DNAJC5B: variants seen among roughly 807,000 people sequenced by gnomAD.
DNAJC5B encodes DnaJ heat shock protein family (Hsp40) member C5 beta.
DNAJC5B carries 23 observed loss-of-function variants against 24.7 expected under a neutral mutation model. The ratio of observed to expected loss-of-function variants is 0.93; its 90% CI spans 0.67 to 1.32. DNAJC5B has a LOEUF of 1.32. DNAJC5B is among the 40% of genes most tolerant of loss of function. DNAJC5B has a pLI of 0.00. For missense variants in DNAJC5B, 238 were observed against 240.8 expected, an observed-to-expected ratio of 0.99 and a Z score of 0.08; for synonymous variants, 101 against 90.1, an observed-to-expected ratio of 1.12 and a Z score of -0.68.
chr8:66,043,038 G>C (rs1009795810), intron 1 of DNAJC5B, among the ~76,000 whole-genome samples: 4 of 152,158 alleles, frequency 2.6e-5, no homozygotes, highest in Non-Finnish European at 5.9e-5. Flanking sequence ...ATGTCTGTGA[G>C]AGTATGGACA....
intron 3 of DNAJC5B, among the ~76,000 whole-genome samples, chr8:66,073,911 T>C (rs113846498): frequency 2.6e-5 from 4 of 152,178 alleles, no homozygotes; most frequent in African/African-American, 7.2e-5. Flanking sequence ...AATATCTTCC[T>C]GAATTGAGGA....
chr8:66,018,738 T>C (rs11991974), upstream of DNAJC5B, among the ~76,000 whole-genome samples: 9 of 51,974 alleles, frequency 1.7e-4, no homozygotes, highest in African/African-American at 4.6e-3. Context: ...TGGGAATCTG[T>C]ATATATATAT....
In DNAJC5B at chr8:66,088,673, T is replaced by A. The variant is rs1807781782; in HGVS notation, c.505+8125T>A. 2.6e-5 allele frequency among the ~76,000 whole-genome samples: 4 copies of A among 152,284 alleles called. No homozygotes were observed. The South Asian group carries it at 8.3e-4, about 32-fold the overall frequency. On this transcript the variant is annotated intron_variant, in intron 5 of 5. Transcript: ENST00000276570. ...CTGCTTAGAAATTTCTTCCACCAGATACCCTAAATCATCTCTTTCGAGTTC... is the reference window on the plus strand; with the variant it reads ...CTGCTTAGAAATTTCTTCCACCAGAAACCCTAAATCATCTCTTTCGAGTTC...
At chr8:66,017,929 G>A (rs187094691), upstream of DNAJC5B, among the ~76,000 whole-genome samples, 1 of 152,226 alleles carries the variant, frequency 6.6e-6, no homozygotes, top group Admixed American at 6.5e-5. Context: ...AGCAAAATAA[G>A]AACAAAATTC....
chr8:66,088,594 A>G (rs1474071239), intron 5 of DNAJC5B, among the ~76,000 whole-genome samples: 4 of 152,176 alleles, frequency 2.6e-5, no homozygotes, highest in Non-Finnish European at 5.9e-5. Context: ...CTCTTTGTGA[A>G]CACATATAAC....
At position 66,080,526 on chromosome 8, in the gene DNAJC5B, G is replaced by C. The variant is rs762513760; in HGVS notation, c.483G>C (p.Gln161His). The C allele has an allele frequency of 2.5e-6, 4 of 1,611,208 alleles. No homozygotes were observed. Among genetic ancestry groups the C allele is most frequent in the Non-Finnish European group, 3.4e-6 (4 of 1,178,582 alleles). ...TGTCCCCAGAGGATCTGGAGGAGCA[G>C]ATCAAGTCTGACATGGAAAAAGGTG... Reference protein sequence around the residue: ...FYVSPEDLEEQIKSDMEKDVD... With the variant: ...FYVSPEDLEEHIKSDMEKDVD... Residue 161 changes from glutamine to histidine, a missense_variant, in exon 5 of 6, where the codon CAG (glutamine) becomes CAC (histidine). Gln to His is a conservative substitution (Grantham distance 24). Coordinates refer to ENST00000276570, the MANE Select transcript of DNAJC5B (RefSeq NM_033105.6).
chr8:66,050,638 A>G (rs947568398), intron 2 of DNAJC5B, among the ~76,000 whole-genome samples: 11 of 152,332 alleles, frequency 7.2e-5, no homozygotes, highest in African/African-American at 2.6e-4. Context: ...GGTCTCAGGA[A>G]AAGCACAAGA....
At chr8:66,072,959 C>T (rs1807381113) in intron 3 of DNAJC5B, among the ~76,000 whole-genome samples, 1 of 152,100 alleles carries the variant, frequency 6.6e-6, no homozygotes, top group Admixed American at 6.6e-5. Context: ...TCCATTCACT[C>T]ATAGTGAATT....
intron 5 of DNAJC5B, among the ~76,000 whole-genome samples, chr8:66,093,587 C>A (rs575260920): frequency 6.6e-6 from 1 of 152,200 alleles, no homozygotes; most frequent in East Asian, 1.9e-4. Context: ...TATCATCTGC[C>A]TTTTCCTTAC....
chr8:66,080,445 C>A lies in DNAJC5B; in HGVS notation c.402C>A (p.Asn134Lys), dbSNP rs751559667. 10 of 1,614,006 alleles carry A rather than the reference C, an allele frequency of 6.2e-6. No homozygotes were observed. The highest frequency in any genetic ancestry group is 1.6e-4 in the Middle Eastern group (1 of 6,076). ...GCTGCTGCCTGTGCTGCTGCTGCAA[C>A]TGCTGCTGTGGACACTGCCGGCCCG... ...YFCCCLCCCC[N>K]CCCGHCRPES... is the part of the protein sequence containing the mutation. Residue 134 changes from asparagine (N) to lysine (K), a missense_variant, in exon 5 of 6, where the codon AAC (asparagine) becomes AAA (lysine). By Grantham distance (94) the Asn-to-Lys change is moderately conservative (BLOSUM62 0). Coordinates refer to ENST00000276570, the MANE Select transcript of DNAJC5B (RefSeq NM_033105.6).
rs1808060178 is a variant in DNAJC5B at position 66,100,906 on chromosome 8, C to G, written c.*875C>G. Among the ~76,000 whole-genome samples, 1 of 152,154 alleles carries G rather than the reference C, an allele frequency of 6.6e-6. No individual in the cohort carries two copies. The highest frequency in any genetic ancestry group is 1.9e-4 in the East Asian group (1 of 5,200). ...TTAGTTGCCTTGACCAGAAATTGCT[C>G]AGCTCTGTGCATGTTACACAATTTA... On this transcript the variant is annotated 3_prime_UTR_variant, in exon 6 of 6. Coordinates refer to ENST00000276570, the MANE Select transcript of DNAJC5B (RefSeq NM_033105.6).
At chr8:66,061,355 C>A (rs1807076667) in intron 3 of DNAJC5B, among the ~76,000 whole-genome samples, 1 of 152,164 alleles carries the variant, frequency 6.6e-6, no homozygotes, top group Non-Finnish European at 1.5e-5. Context: ...GCCTCATTCT[C>A]TTCATAAGTA....
intron 3 of DNAJC5B, among the ~76,000 whole-genome samples, chr8:66,069,150 G>A (rs1487777487): frequency 1.3e-5 from 2 of 151,630 alleles, no homozygotes; most frequent in Non-Finnish European, 2.9e-5. Context: ...AGGCAAGAAA[G>A]GAAAGGGAAA....
chr8:66,086,923 C>A (rs1807739366), intron 5 of DNAJC5B, among the ~76,000 whole-genome samples: 1 of 152,106 alleles, frequency 6.6e-6, no homozygotes, highest in Non-Finnish European at 1.5e-5. Flanking sequence ...ATCTTTACTC[C>A]AGAATAAAAG....
chr8:66,096,563 T>C (rs1807958054), intron 5 of DNAJC5B, among the ~76,000 whole-genome samples: 1 of 152,136 alleles, frequency 6.6e-6, no homozygotes, highest in South Asian at 2.1e-4. Context: ...TATTAGTATA[T>C]ATAAGTTTAG....
At chr8:66,094,667 C>T (rs1180934685) in intron 5 of DNAJC5B, among the ~76,000 whole-genome samples, 2 of 151,660 alleles carry the variant, frequency 1.3e-5, no homozygotes, top group Non-Finnish European at 2.9e-5. Flanking sequence ...TTTTGTTTTG[C>T]CTTTCTGTGT....
At position 66,050,157 on chromosome 8, in the gene DNAJC5B, G is replaced by C. The variant is rs1806814981; in HGVS notation, c.-17-1374G>C. ...CATTCAACTTAAAGGCAGAGTAGGT[G>C]CAGTGATTTAAGAAACATCCACAAT... On this transcript the variant is annotated intron_variant, in intron 2 of 5. Transcript: ENST00000276570. Among the ~76,000 whole-genome samples, 3 of 152,196 alleles carry C rather than the reference G, an allele frequency of 2.0e-5. No individual in the cohort carries two copies. In the South Asian group the frequency reaches 6.2e-4, roughly 31 times the overall value.
At chr8:66,074,041 CAAAG>C (rs1296942287) in intron 3 of DNAJC5B, among the ~76,000 whole-genome samples, 4 of 152,060 alleles carry the variant, frequency 2.6e-5, no homozygotes, top group Non-Finnish European at 5.9e-5. Flanking sequence ...ATATAACTGA[CAAAG>C]AATTCATATC....
intron 3 of DNAJC5B, among the ~76,000 whole-genome samples, chr8:66,060,186 G>A (rs1586089639): frequency 6.6e-6 from 1 of 152,180 alleles, no homozygotes; most frequent in Admixed American, 6.5e-5. Context: ...GACACTAGCA[G>A]TAATGTCGCT....
Sources: allele counts gnomAD v4.1 joint callset (sites outside exome capture counted in the v4.1 genomes callset), GRCh38; gene constraint gnomAD v4.1.1; transcripts MANE v1.5; gene names NCBI Gene and HGNC (gene_info 2026-07-23, HGNC 2026-07-21).